Variants in GALNT1 observed in about 807,000 individuals in gnomAD.
GALNT1 encodes polypeptide N-acetylgalactosaminyltransferase 1.
Under a neutral mutation model 65.7 loss-of-function variants are expected in GALNT1, and 17 were observed. The ratio of observed to expected loss-of-function variants is 0.26; its 90% confidence interval spans 0.18 to 0.39. The LOEUF is 0.39. Ranked by LOEUF, GALNT1 falls within the 10% of genes least tolerant of loss-of-function variation. The pLI is 1.00. For missense variants in GALNT1, 460 were observed against 672.8 expected, an observed-to-expected ratio of 0.68 and a Z score of 3.50; for synonymous variants, 210 against 219.7, an observed-to-expected ratio of 0.96 and a Z score of 0.39.
At chr18:35,593,791 C>T (rs2046472826) in intron 1 of GALNT1, among the ~76,000 whole-genome samples, 1 of 152,082 alleles carries the variant, frequency 6.6e-6, no homozygotes, top group African/African-American at 2.4e-5. Flanking sequence ...TCACTGCAAC[C>T]TCCGCCTCTC....
intron 9 of GALNT1, among the ~76,000 whole-genome samples, chr18:35,693,362 T>G (rs2047999872): frequency 6.6e-6 from 1 of 151,834 alleles, no homozygotes; most frequent in South Asian, 2.1e-4. Flanking sequence ...AGGTGGAGAG[T>G]AGTAGAAGAT....
chr18:35,654,625 A>G lies in GALNT1; in HGVS notation c.-38A>G. ...TTTCATGATCTTTGTATATTTATAT[A>G]TATATATTTTTAAATTTTGCATTTG... On this transcript the variant is annotated 5_prime_UTR_variant, in exon 2 of 12. It adds an upstream start codon to the 5' untranslated region. Coordinates refer to ENST00000269195, the MANE Select transcript of GALNT1 (RefSeq NM_020474.4). 8.7e-7 allele frequency: 1 copy of G among 1,151,084 alleles called. No homozygotes were observed. Among genetic ancestry groups the G allele is most frequent in the Non-Finnish European group, 1.1e-6 (1 of 885,202 alleles). The allele number at this position is 1,151,084 out of a possible 1,614,324, so 71.3% of individuals were successfully genotyped here.
At chr18:35,638,311 C>T (rs1402226766) in intron 1 of GALNT1, among the ~76,000 whole-genome samples, 2 of 152,182 alleles carry the variant, frequency 1.3e-5, no homozygotes. Flanking sequence ...GACTCGGCTG[C>T]TCATGTACCC....
At chr18:35,659,007 GC>G (rs1323501892) in intron 2 of GALNT1, among the ~76,000 whole-genome samples, 6 of 152,092 alleles carry the variant, frequency 3.9e-5, no homozygotes, top group Admixed American at 3.9e-4. Context: ...GCTGTGCCTG[GC>G]ATCAAAGTCT....
intron 1 of GALNT1, among the ~76,000 whole-genome samples, chr18:35,589,678 T>C (rs1226810643): frequency 1.3e-5 from 2 of 152,190 alleles, no homozygotes; most frequent in African/African-American, 2.4e-5. Context: ...TTGTTTTATA[T>C]GTAATGTTCA....
chr18:35,701,532 A>G (rs1745575932), intron 9 of GALNT1, among the ~76,000 whole-genome samples: 1 of 152,204 alleles, frequency 6.6e-6, no homozygotes, highest in Non-Finnish European at 1.5e-5. Flanking sequence ...AGGTTTCACA[A>G]TTAATGGATA....
intron 1 of GALNT1, among the ~76,000 whole-genome samples, chr18:35,623,740 T>C (rs2144131125): frequency 6.6e-6 from 1 of 152,340 alleles, no homozygotes; most frequent in East Asian, 1.9e-4. Flanking sequence ...TTTTGTATTT[T>C]ACATGATTCT....
At chr18:35,637,927 T>G (rs2047112602) in intron 1 of GALNT1, among the ~76,000 whole-genome samples, 1 of 152,230 alleles carries the variant, frequency 6.6e-6, no homozygotes, top group African/African-American at 2.4e-5. Context: ...CTGCCTCTGC[T>G]CTATACATGG....
chr18:35,654,827 G>T, intron 2 of GALNT1, 26 bp downstream of exon 2: 1 of 1,497,520 alleles, frequency 6.7e-7, no homozygotes, highest in South Asian at 1.4e-5. Context: ...TAATAGAGCT[G>T]TTTTAACTAC....
At chr18:35,699,440 C>T (rs1055741668) in intron 9 of GALNT1, among the ~76,000 whole-genome samples, 2 of 152,176 alleles carry the variant, frequency 1.3e-5, no homozygotes, top group African/African-American at 2.4e-5. Context: ...CCAAACAAGG[C>T]TCACTTCTTG....
intron 2 of GALNT1, among the ~76,000 whole-genome samples, chr18:35,655,818 A>G (rs2047378301): frequency 6.6e-6 from 1 of 152,186 alleles, no homozygotes. Context: ...GGGCTTACAT[A>G]ACTGGTTCTA....
chr18:35,636,783 GTTTTTTTTT>G (rs58909585), intron 1 of GALNT1, among the ~76,000 whole-genome samples: 3 of 64,214 alleles, frequency 4.7e-5, no homozygotes, highest in South Asian at 6.6e-4. Flanking sequence ...ATACTACTTT[GTTTTTTTTT>G]TTTTTTTTTT....
chr18:35,591,333 G>C (rs2046441713), intron 1 of GALNT1, among the ~76,000 whole-genome samples: 1 of 152,232 alleles, frequency 6.6e-6, no homozygotes, highest in Non-Finnish European at 1.5e-5. Flanking sequence ...GGTTCAGACA[G>C]ATGTGAATGT....
At chr18:35,608,336 G>T (rs1389710865) in intron 1 of GALNT1, among the ~76,000 whole-genome samples, 1 of 152,090 alleles carries the variant, frequency 6.6e-6, no homozygotes, top group Non-Finnish European at 1.5e-5. Context: ...TGTTTTTTAA[G>T]ATTTCTAAGA....
Position 35,654,784 on chromosome 18 carries a change from G to T in GALNT1, c.122G>T (p.Gly41Val). The change falls in exon 2 of 12, where the codon GGA (glycine) becomes GTA (valine). Residue 41 changes from glycine to valine, a missense_variant. Physicochemically the swap from Gly to Val is moderately radical, Grantham distance 109. Transcript: ENST00000269195. ...AAATGTGATGAAAAAAAGGAGAGAGGACTTCCTGCTGGAGATGGTGAGTGA... is the reference window on the plus strand; with the variant it reads ...AAATGTGATGAAAAAAAGGAGAGAGTACTTCCTGCTGGAGATGGTGAGTGA... ...CNKCDEKKER[G>V]LPAGDVLEPV... The T allele has an allele frequency of 2.6e-6, 4 of 1,553,524 alleles. No homozygotes were observed. Among genetic ancestry groups the T allele is most frequent in the Non-Finnish European group, 3.5e-6 (4 of 1,146,450 alleles).
chr18:35,598,625 A>G (rs993512944), intron 1 of GALNT1, among the ~76,000 whole-genome samples: 1 of 152,132 alleles, frequency 6.6e-6, no homozygotes, highest in African/African-American at 2.4e-5. Context: ...TTATCCATTC[A>G]TCTATTGATG....
At chr18:35,654,324 G>A (rs2047349910) in intron 1 of GALNT1, among the ~76,000 whole-genome samples, 1 of 151,780 alleles carries the variant, frequency 6.6e-6, no homozygotes, top group Non-Finnish European at 1.5e-5. Context: ...TTTTCCTATT[G>A]GATTGTTGTA....
intron 3 of GALNT1, among the ~76,000 whole-genome samples, chr18:35,667,879 C>A (rs1354151623): frequency 6.6e-6 from 1 of 152,182 alleles, no homozygotes; most frequent in Non-Finnish European, 1.5e-5. Flanking sequence ...GGTGTGAGAT[C>A]TGGCCCATAA....
chr18:35,650,794 A>G (rs1214202250), intron 1 of GALNT1, among the ~76,000 whole-genome samples: 1 of 152,122 alleles, frequency 6.6e-6, no homozygotes, highest in Non-Finnish European at 1.5e-5. Context: ...TCTTTTTTCA[A>G]GGTGCCCAGA....
Sources: gnomAD v4.1 joint callset for allele counts (sites outside exome capture counted in the v4.1 genomes callset) on GRCh38, gnomAD v4.1.1 for gene constraint, MANE v1.5 for transcripts, NCBI Gene and HGNC (gene_info 2026-07-23, HGNC 2026-07-21) for gene names.